Variants in ELOVL7 observed in about 807,000 individuals in gnomAD.
The protein encoded by ELOVL7 is ELOVL fatty acid elongase 7, also known as very long chain fatty acid elongase 7.
In ELOVL7, 27 loss-of-function variants were observed where a neutral mutation model predicts 35.7. The observed-to-expected ratio is 0.76, with a 90% CI of 0.56 to 1.04. The LOEUF is 1.04. Ranked by LOEUF, ELOVL7 falls within the 50% of genes least tolerant of loss-of-function variation. The probability of loss-of-function intolerance (pLI) is 0.00; values close to 1 mark genes in which losing one functional copy is unlikely to be tolerated. For synonymous variants in ELOVL7, 113 were observed against 114.6 expected, an observed-to-expected ratio of 0.99 and a Z score of 0.09; for missense variants, 327 against 340.8, an observed-to-expected ratio of 0.96 and a Z score of 0.32.
At chr5:60,770,290 C>T (rs952460191) in intron 4 of ELOVL7, among the ~76,000 whole-genome samples, 1 of 152,156 alleles carries the variant, frequency 6.6e-6, no homozygotes, top group Non-Finnish European at 1.5e-5. Flanking sequence ...GGGTACATTA[C>T]ACTCAATGAC....
chr5:60,790,235 T>G (rs534372385), intron 2 of ELOVL7, among the ~76,000 whole-genome samples: 37 of 152,270 alleles, frequency 2.4e-4, no homozygotes, highest in Middle Eastern at 3.4e-3. Context: ...TAATTTTACA[T>G]TTACTCATAG....
intron 1 of ELOVL7, among the ~76,000 whole-genome samples, chr5:60,835,736 C>T (rs1746760249): frequency 1.3e-5 from 2 of 151,916 alleles, no homozygotes; most frequent in Admixed American, 6.6e-5. Flanking sequence ...TTTTAGTTTT[C>T]CTGACCCCTT....
At chr5:60,832,655 C>G (rs561064672) in intron 1 of ELOVL7, among the ~76,000 whole-genome samples, 140 of 152,266 alleles carry the variant, frequency 9.2e-4, no homozygotes, top group African/African-American at 3.2e-3. Flanking sequence ...TGCGCCATCG[C>G]GCCCAGCCGG....
intron 1 of ELOVL7, among the ~76,000 whole-genome samples, chr5:60,809,380 A>C (rs1740836290): frequency 1.3e-5 from 2 of 152,180 alleles, no homozygotes; most frequent in African/African-American, 4.8e-5. Flanking sequence ...GGAGGCATTG[A>C]AAGTAGCTAG....
At chr5:60,804,113 C>T (rs751675664) in intron 1 of ELOVL7, among the ~76,000 whole-genome samples, 46 of 152,148 alleles carry the variant, frequency 3.0e-4, no homozygotes, top group Non-Finnish European at 6.3e-4. Context: ...GTTAACGTGA[C>T]AACTTGTAAG....
At chr5:60,836,839 T>C (rs1385959038) in intron 1 of ELOVL7, among the ~76,000 whole-genome samples, 4 of 151,934 alleles carry the variant, frequency 2.6e-5, no homozygotes. Flanking sequence ...TTTCTACCAT[T>C]GACACTAAAA....
chr5:60,812,052 C>T (rs1422618564), intron 1 of ELOVL7, among the ~76,000 whole-genome samples: 7 of 152,010 alleles, frequency 4.6e-5, no homozygotes, highest in Admixed American at 1.3e-4. Context: ...CTCATCTCTA[C>T]AAAATTGTTT....
At chr5:60,776,047 C>T (rs1021346430) in intron 3 of ELOVL7, among the ~76,000 whole-genome samples, 1 of 152,078 alleles carries the variant, frequency 6.6e-6, no homozygotes, top group Non-Finnish European at 1.5e-5. Context: ...AACAGACAAC[C>T]TATGGACTGG....
chr5:60,837,307 C>CGGGGGGGGGGGGGGGGGGGGGGGGG (rs1382082623), intron 1 of ELOVL7, among the ~76,000 whole-genome samples: 1 of 10,006 alleles, frequency 1.0e-4, no homozygotes, highest in African/African-American at 6.2e-4. Context: ...CGTGGTAGGG[C>CGGGGGGGGGGGGGGGGGGGGGGGGG]GGGGGGGTGG....
chr5:60,802,111 T>TAC (rs1744673717), intron 1 of ELOVL7, among the ~76,000 whole-genome samples: 1 of 6,678 alleles, frequency 1.5e-4, no homozygotes, highest in African/African-American at 7.4e-4. Context: ...TATATATATA[T>TAC]ATATATACAC....
chr5:60,779,720 T>C (rs1743122626), intron 3 of ELOVL7, among the ~76,000 whole-genome samples: 1 of 152,248 alleles, frequency 6.6e-6, no homozygotes, highest in Admixed American at 6.5e-5. Context: ...CCCCATTGTC[T>C]TGGTGACTAA....
chr5:60,756,541 A>C (rs576199564), intron 8 of ELOVL7, among the ~76,000 whole-genome samples: 1 of 152,164 alleles, frequency 6.6e-6, no homozygotes, highest in Non-Finnish European at 1.5e-5. Context: ...CCATATCCTT[A>C]TGATTGGTCA....
Position 60,754,541 on chromosome 5 carries a change from A to G in ELOVL7, c.*83T>C, listed in dbSNP as rs1384753296. 10 of 1,251,242 alleles carry G rather than the reference A, an allele frequency of 8.0e-6. No homozygotes were observed. In the South Asian group the frequency reaches 9.6e-5, roughly 12 times the overall value. The allele number at this position is 1,251,242 out of a possible 1,614,324, so 77.5% of individuals were successfully genotyped here. ...ACAAGCTCTTAGTTTTGAAAAATATACAAAATGCACTGCATAGGTAAATAT... is the reference window on the plus strand; with the variant it reads ...ACAAGCTCTTAGTTTTGAAAAATATGCAAAATGCACTGCATAGGTAAATAT... On this transcript the variant is annotated 3_prime_UTR_variant, in exon 9 of 9. Transcript: ENST00000508821.
intron 8 of ELOVL7, among the ~76,000 whole-genome samples, chr5:60,755,469 CA>C (rs1741484030): frequency 6.6e-6 from 1 of 152,030 alleles, no homozygotes; most frequent in Admixed American, 6.6e-5. Context: ...CCAGCCTGGT[CA>C]AGATAGCGAA....
At chr5:60,792,132 T>A (rs1293889076) in intron 2 of ELOVL7, among the ~76,000 whole-genome samples, 1 of 152,088 alleles carries the variant, frequency 6.6e-6, no homozygotes, top group Non-Finnish European at 1.5e-5. Flanking sequence ...GGAGTAGATG[T>A]CATCAAAGCC....
chr5:60,757,220 G>A (rs1025399896), intron 8 of ELOVL7, among the ~76,000 whole-genome samples: 71 of 152,012 alleles, frequency 4.7e-4, no homozygotes, highest in Non-Finnish European at 8.8e-4. Flanking sequence ...TGCCTATTGA[G>A]GGTCACATAA....
chr5:60,826,159 T>G (rs1746160709), intron 1 of ELOVL7, among the ~76,000 whole-genome samples: 1 of 152,126 alleles, frequency 6.6e-6, no homozygotes, highest in Non-Finnish European at 1.5e-5. Flanking sequence ...GGAGGAAAAA[T>G]AAATGGTACT....
In ELOVL7 at chr5:60,832,643, C is replaced by A. The variant is rs188630583; in HGVS notation, c.-86+11517G>T. 9.9e-5 allele frequency among the ~76,000 whole-genome samples: 15 copies of A among 152,266 alleles called. No homozygotes were observed. The East Asian group carries it at 2.9e-3, about 29-fold the overall frequency. On this transcript the variant is annotated intron_variant, in intron 1 of 8. Coordinates refer to ENST00000508821, the MANE Select transcript of ELOVL7 (RefSeq NM_024930.3). ...CCTCCCAAAGTGCTGGGATTACAGG[C>A]GTGCGCCATCGCGCCCAGCCGGAAT... is the stretch of plus-strand genomic sequence containing the variant.
At chr5:60,786,916 A>G (rs1743632020) in intron 3 of ELOVL7, among the ~76,000 whole-genome samples, 1 of 151,370 alleles carries the variant, frequency 6.6e-6, no homozygotes, top group African/African-American at 2.4e-5. Context: ...CCGAGATTGC[A>G]CCACTGCACT....
Sources: gnomAD v4.1 joint callset for allele counts (sites outside exome capture counted in the v4.1 genomes callset) on GRCh38, gnomAD v4.1.1 for gene constraint, MANE v1.5 for transcripts, NCBI Gene and HGNC (gene_info 2026-07-23, HGNC 2026-07-21) for gene names.